The following TRPM3 variants were observed in gnomAD, a reference collection of about 807,000 sequenced individuals.
TRPM3 encodes the protein transient receptor potential cation channel subfamily M member 3.
In TRPM3, 77 loss-of-function variants were observed where a neutral mutation model predicts 181.2. The observed-to-expected ratio is 0.42, with a 90% CI of 0.35 to 0.51. TRPM3 has a LOEUF of 0.51. TRPM3 is among the 20% of genes least tolerant of loss of function. TRPM3 has a pLI of 0.01. For synonymous variants in TRPM3, 745 were observed against 796.4 expected (o/e 0.94, Z 1.09); for missense variants, 1,759 against 2,196.7 (o/e 0.80, Z 3.98).
chr9:70,544,755 A>AAAAAAG (rs967830652), intron 25 of TRPM3, among the ~76,000 whole-genome samples: 7 of 152,084 alleles, frequency 4.6e-5, no homozygotes, highest in Admixed American at 3.3e-4. Flanking sequence ...AAAGGGGGGA[A>AAAAAAG]AAAAAGAAAA....
chr9:70,573,512 G>A (rs2053022472), intron 22 of TRPM3, among the ~76,000 whole-genome samples: 1 of 152,160 alleles, frequency 6.6e-6, no homozygotes, highest in African/African-American at 2.4e-5. Context: ...GGAGTGTCCT[G>A]TGCACTGCAG....
chr9:70,580,292 G>C (rs115441527), intron 22 of TRPM3, among the ~76,000 whole-genome samples: 1 of 152,066 alleles, frequency 6.6e-6, no homozygotes, highest in Non-Finnish European at 1.5e-5. Context: ...GGCGACCTGC[G>C]AATTTCCAAC....
At chr9:70,846,984 C>G (rs7847940) in intron 3 of TRPM3, among the ~76,000 whole-genome samples, 86,205 of 151,942 alleles carry the variant, frequency 0.57, 24,811 homozygotes, top group Non-Finnish European at 0.58. Flanking sequence ...ATTATTATTT[C>G]TGTGACCCTA....
intron 9 of TRPM3, among the ~76,000 whole-genome samples, chr9:70,661,015 C>T (rs572526770): frequency 1.3e-5 from 2 of 152,228 alleles, no homozygotes; most frequent in African/African-American, 4.8e-5. Context: ...TCCTGATGAA[C>T]ACAGATGCAA....
chr9:70,961,429 T>G (rs2097135781), intron 1 of TRPM3, among the ~76,000 whole-genome samples: 1 of 152,092 alleles, frequency 6.6e-6, no homozygotes, highest in Non-Finnish European at 1.5e-5. Flanking sequence ...TAGGAAACAA[T>G]AGGAAACTCA....
At chr9:71,003,992 T>C (rs1384431514) in intron 1 of TRPM3, among the ~76,000 whole-genome samples, 1 of 152,054 alleles carries the variant, frequency 6.6e-6, no homozygotes, top group Non-Finnish European at 1.5e-5. Flanking sequence ...AAGGAGAAAA[T>C]ATGAGGTTGA....
chr9:70,802,708 G>A (rs2131253300), intron 6 of TRPM3, among the ~76,000 whole-genome samples: 1 of 152,200 alleles, frequency 6.6e-6, no homozygotes, highest in South Asian at 2.1e-4. Context: ...TTGCAATTCA[G>A]TCCCTAAAAC....
intron 1 of TRPM3, among the ~76,000 whole-genome samples, chr9:71,104,217 A>T (rs979028946): frequency 3.9e-5 from 6 of 152,120 alleles, no homozygotes; most frequent in Non-Finnish European, 5.9e-5. Context: ...TGCCCACCCC[A>T]TTTAGCAACT....
At chr9:70,668,646 C>T (rs1420864989) in intron 9 of TRPM3, among the ~76,000 whole-genome samples, 1 of 116,580 alleles carries the variant, frequency 8.6e-6, no homozygotes, top group Non-Finnish European at 1.6e-5. Flanking sequence ...GCCTGGGCGA[C>T]AGAGCGAGAC....
chr9:71,225,316 G>A (rs1439860454), intron 1 of TRPM3, among the ~76,000 whole-genome samples: 9 of 151,990 alleles, frequency 5.9e-5, no homozygotes, highest in African/African-American at 2.2e-4. Flanking sequence ...CCAGGCAAGA[G>A]TGGCATGACG....
chr9:71,006,312 C>A (rs1217233223), intron 1 of TRPM3, among the ~76,000 whole-genome samples: 1 of 151,684 alleles, frequency 6.6e-6, no homozygotes, highest in Non-Finnish European at 1.5e-5. Context: ...AAGCAAGCAA[C>A]AAAATGGCAG....
chr9:70,985,834 C>T lies in TRPM3; in HGVS notation c.178-121323G>A, dbSNP rs972540600. Reference sequence around the variant, plus strand: ...AGACTAACAAAGCCATGAGTTGGAGCGAGAATGAGGCACTGGGTGGAGTAC... The same window carrying T: ...AGACTAACAAAGCCATGAGTTGGAGTGAGAATGAGGCACTGGGTGGAGTAC... On this transcript the variant is annotated intron_variant, in intron 1 of 25. Transcript: ENST00000677713. Among the ~76,000 whole-genome samples the T allele has an allele frequency of 1.2e-4, 18 of 152,044 alleles. No homozygotes were observed. The East Asian group carries it at 3.5e-3, about 29-fold the overall frequency.
intron 1 of TRPM3, among the ~76,000 whole-genome samples, chr9:71,312,348 GA>G (rs2132407983): frequency 6.6e-6 from 1 of 152,212 alleles, no homozygotes; most frequent in Admixed American, 6.6e-5. Context: ...AAACAGGAAT[GA>G]GATATTACTG....
At chr9:71,318,440 A>G (rs1461546052) in intron 1 of TRPM3, among the ~76,000 whole-genome samples, 1 of 152,158 alleles carries the variant, frequency 6.6e-6, no homozygotes, top group Non-Finnish European at 1.5e-5. Context: ...TGGTGAAACA[A>G]GTGTTTTATT....
intron 1 of TRPM3, among the ~76,000 whole-genome samples, chr9:70,957,569 C>T (rs2097091854): frequency 6.6e-6 from 1 of 152,116 alleles, no homozygotes; most frequent in Admixed American, 6.5e-5. Flanking sequence ...AGATGGCATC[C>T]AACAAAATAG....
chr9:71,019,220 T>C (rs1217873855), intron 1 of TRPM3, among the ~76,000 whole-genome samples: 2 of 151,938 alleles, frequency 1.3e-5, no homozygotes, highest in Non-Finnish European at 2.9e-5. Context: ...AGATGCTTGT[T>C]ATCACCACTT....
chr9:71,191,942 G>C (rs1436499151), intron 1 of TRPM3, among the ~76,000 whole-genome samples: 3 of 151,700 alleles, frequency 2.0e-5, no homozygotes, highest in African/African-American at 7.3e-5. Context: ...GTAACTATGT[G>C]CTTTACTCCC....
chr9:70,937,735 A>G (rs1208778996), intron 1 of TRPM3, among the ~76,000 whole-genome samples: 1 of 152,032 alleles, frequency 6.6e-6, no homozygotes, highest in Non-Finnish European at 1.5e-5. Flanking sequence ...AACTGGGTGG[A>G]CTTGAACTCC....
chr9:71,165,730 G>A (rs1488983055), intron 1 of TRPM3, among the ~76,000 whole-genome samples: 2 of 152,066 alleles, frequency 1.3e-5, no homozygotes, highest in Non-Finnish European at 2.9e-5. Flanking sequence ...TGAGAGAGAG[G>A]CATAAATTAT....
Sources: allele counts gnomAD v4.1 joint callset (sites outside exome capture counted in the v4.1 genomes callset), GRCh38; gene constraint gnomAD v4.1.1; transcripts MANE v1.5; gene names NCBI Gene and HGNC (gene_info 2026-07-23, HGNC 2026-07-21).